MPP7: variants seen among roughly 807,000 people sequenced by gnomAD.
The protein encoded by MPP7 is MAGUK p55 subfamily member 7.
Under a neutral mutation model 76.5 loss-of-function variants are expected in MPP7, and 60 were observed. That is an observed-to-expected ratio of 0.78 (90% CI 0.64 to 0.97). The LOEUF is 0.97. Ranked by LOEUF, MPP7 falls within the 50% of genes least tolerant of loss-of-function variation. The pLI is 0.00. For synonymous variants in MPP7, 237 were observed against 244.5 expected (o/e 0.97, Z 0.29); for missense variants, 641 against 694.0 (o/e 0.92, Z 0.86).
At chr10:28,058,860 T>C (rs771581335) in intron 14 of MPP7, among the ~76,000 whole-genome samples, 2 of 152,150 alleles carry the variant, frequency 1.3e-5, no homozygotes, top group Non-Finnish European at 2.9e-5. Context: ...GGCTCTAATG[T>C]TTTCCATCAC....
chr10:28,058,744 T>C, intron 14 of MPP7, 141 bp from the exon 15 acceptor site: 1 of 427,748 alleles, frequency 2.3e-6, no homozygotes, highest in Non-Finnish European at 4.2e-6. Context: ...CAGAGCCAAG[T>C]ATTTCAAAAT....
Position 28,083,615 on chromosome 10 carries a change from G to A in MPP7, c.1123+6056C>T, listed in dbSNP as rs945280473. Among the ~76,000 whole-genome samples the A allele has an allele frequency of 4.6e-4, 60 of 129,786 alleles. 1 individual carries two copies. Among genetic ancestry groups the A allele is most frequent in the Admixed American group, 9.7e-4 (10 of 10,308 alleles). 85.1% of individuals were successfully genotyped at this position (129,786 alleles called of 152,430 possible). A position where few individuals can be genotyped will look rare whatever the true frequency, so the allele number is the denominator to read the frequency against. ...TGCACTGGCATGATCTCAGCTCACC[G>A]CAACCTCTGCCTCCTGGGTTCAAGT... On this transcript the variant is annotated intron_variant, in intron 12 of 16. Coordinates refer to ENST00000683449, the MANE Select transcript of MPP7 (RefSeq NM_001318170.2).
At chr10:28,307,064 C>A (rs868164222), upstream of MPP7, among the ~76,000 whole-genome samples, 2 of 152,170 alleles carry the variant, frequency 1.3e-5, 1 homozygote, top group Admixed American at 1.3e-4. Context: ...AGGGCCCATC[C>A]CTGTTTATGA....
intron 2 of MPP7, among the ~76,000 whole-genome samples, chr10:28,233,816 C>T (rs1428999533): frequency 1.3e-5 from 2 of 151,686 alleles, no homozygotes; most frequent in South Asian, 2.1e-4. Flanking sequence ...GCAGGAGCAT[C>T]ACTTGAGCTC....
intron 6 of MPP7, among the ~76,000 whole-genome samples, chr10:28,131,095 T>C (rs1220472475): frequency 6.6e-6 from 1 of 152,212 alleles, no homozygotes; most frequent in Non-Finnish European, 1.5e-5. Flanking sequence ...CCACGCCTCC[T>C]GACCAAATAA....
chr10:28,250,059 T>A (rs1474541277), intron 1 of MPP7, among the ~76,000 whole-genome samples: 2 of 151,760 alleles, frequency 1.3e-5, no homozygotes, highest in Non-Finnish European at 2.9e-5. Context: ...TAACCACAAA[T>A]TACTAACAGT....
intron 1 of MPP7, chr10:28,282,155 C>CT (rs1344590098): frequency 6.6e-6 from 1 of 152,066 alleles, no homozygotes; most frequent in Non-Finnish European, 1.5e-5. Flanking sequence ...GTGATGTAAT[C>CT]TCTGACATTA....
At chr10:28,157,135 G>T (rs1360228064) in intron 3 of MPP7, among the ~76,000 whole-genome samples, 1 of 152,110 alleles carries the variant, frequency 6.6e-6, no homozygotes, top group African/African-American at 2.4e-5. Flanking sequence ...GCTTGAACCC[G>T]AGAGGCAGAG....
chr10:28,191,013 C>T (rs3905706), intron 3 of MPP7, among the ~76,000 whole-genome samples: 49,236 of 151,878 alleles, frequency 0.32, 10,252 homozygotes, highest in African/African-American at 0.57. Flanking sequence ...AATTCTATGC[C>T]CTCAAATTTG....
At chr10:28,330,294 G>T (rs982454498) in intron 1 of MPP7, among the ~76,000 whole-genome samples, 1 of 152,154 alleles carries the variant, frequency 6.6e-6, no homozygotes, top group Non-Finnish European at 1.5e-5. Flanking sequence ...AATCCCAGCT[G>T]CTTGGGAGGC....
intron 2 of MPP7, among the ~76,000 whole-genome samples, chr10:28,207,049 A>T (rs10826419): frequency 0.18 from 26,647 of 152,098 alleles, 2,965 homozygotes; most frequent in East Asian, 0.56. Context: ...CCATTCAACA[A>T]ATTTTTGAGT....
intron 3 of MPP7, among the ~76,000 whole-genome samples, chr10:28,167,310 C>CAAAAAA (rs747188721): frequency 5.9e-4 from 40 of 67,788 alleles, no homozygotes; most frequent in Admixed American, 1.0e-3. Context: ...GGCTCTGCCT[C>CAAAAAA]AAAAAAACAA....
intron 2 of MPP7, among the ~76,000 whole-genome samples, chr10:28,214,663 C>T (rs1030231032): frequency 6.6e-6 from 1 of 152,174 alleles, no homozygotes; most frequent in Admixed American, 6.5e-5. Flanking sequence ...CTAACCGACT[C>T]CATCTTGTTT....
At chr10:28,270,407 C>T (rs1191349632) in intron 1 of MPP7, among the ~76,000 whole-genome samples, 1 of 151,528 alleles carries the variant, frequency 6.6e-6, no homozygotes, top group African/African-American at 2.4e-5. Flanking sequence ...TAGGAGGAAG[C>T]CAGGGCAGTG....
intron 15 of MPP7, among the ~76,000 whole-genome samples, chr10:28,058,216 T>A (rs1363203300): frequency 3.3e-5 from 5 of 152,176 alleles, no homozygotes; most frequent in African/African-American, 1.2e-4. Flanking sequence ...TGTAGAAACA[T>A]CTAAGAGTTG....
At chr10:28,134,559 T>A (rs1323231490) in intron 5 of MPP7, among the ~76,000 whole-genome samples, 1 of 152,124 alleles carries the variant, frequency 6.6e-6, no homozygotes, top group Non-Finnish European at 1.5e-5. Flanking sequence ...GCTTTTTGTA[T>A]CCAACAAGAG....
chr10:28,182,947 G>C (rs1201254856), intron 3 of MPP7, among the ~76,000 whole-genome samples: 2 of 152,154 alleles, frequency 1.3e-5, no homozygotes, highest in African/African-American at 4.8e-5. Flanking sequence ...GCGTGATGGC[G>C]CATGCCTATA....
intron 1 of MPP7, among the ~76,000 whole-genome samples, chr10:28,331,559 G>C (rs1187498533): frequency 1.3e-5 from 2 of 152,086 alleles, no homozygotes; most frequent in Middle Eastern, 3.4e-3. Context: ...CAGTTTGTAG[G>C]GTTTTTAAAA....
chr10:28,245,413 A>G (rs1377436968), intron 1 of MPP7, among the ~76,000 whole-genome samples: 1 of 152,114 alleles, frequency 6.6e-6, no homozygotes, highest in Non-Finnish European at 1.5e-5. Flanking sequence ...AAAACTGAAT[A>G]ATGATCCGCT....
Sources: gnomAD v4.1 joint callset for allele counts (sites outside exome capture counted in the v4.1 genomes callset) on GRCh38, gnomAD v4.1.1 for gene constraint, MANE v1.5 for transcripts, NCBI Gene and HGNC (gene_info 2026-07-23, HGNC 2026-07-21) for gene names.